The following POLR2F variants were observed in gnomAD, a reference collection of about 807,000 sequenced individuals.
POLR2F encodes the protein DNA-directed RNA polymerases I, II, and III subunit RPABC2.
Under a neutral mutation model 22.7 loss-of-function variants are expected in POLR2F, and 12 were observed. That is an observed-to-expected ratio of 0.53 (90% CI 0.34 to 0.86). The LOEUF is 0.86. Among genes scored for constraint, POLR2F ranks in the 40% least tolerant of loss-of-function variants. POLR2F has a pLI of 0.02. For synonymous variants in POLR2F, 57 were observed against 66.0 expected (o/e 0.86, Z 0.66); for missense variants, 126 against 171.5 (o/e 0.73, Z 1.48).
intron 1 of POLR2F, among the ~76,000 whole-genome samples, chr22:38,018,216 G>A (rs2084930746): frequency 6.6e-6 from 1 of 152,250 alleles, no homozygotes; most frequent in Non-Finnish European, 1.5e-5. Context: ...TCAGTCTGAA[G>A]TCAAGATCAG....
intron 1 of POLR2F, among the ~76,000 whole-genome samples, chr22:38,009,952 G>T (rs533406072): frequency 3.3e-5 from 5 of 152,170 alleles, no homozygotes; most frequent in Admixed American, 6.5e-5. Context: ...TTCCAGATTT[G>T]GGCTATTACA....
chr22:38,035,764 G>T (rs566600244), intron 5 of POLR2F, among the ~76,000 whole-genome samples: 2 of 152,202 alleles, frequency 1.3e-5, no homozygotes, highest in South Asian at 4.1e-4. Context: ...CCTGGCGGGA[G>T]CGGGTGGGAG....
At chr22:38,026,962 T>TGTGG (rs1470191267), downstream of POLR2F, among the ~76,000 whole-genome samples, 6 of 151,796 alleles carry the variant, frequency 4.0e-5, no homozygotes, top group African/African-American at 1.5e-4. Context: ...GGAAAGTGTG[T>TGTGG]GTGGGTGGGT....
upstream of POLR2F, chr22:37,983,608 C>T: frequency 6.2e-7 from 1 of 1,607,524 alleles, no homozygotes; most frequent in Non-Finnish European, 8.5e-7. The surrounding 1 kb of genome is among the most constrained non-coding windows in gnomAD (Gnocchi z 9.5). Flanking sequence ...CCTCGCCGTC[C>T]TGCTGCTCCT....
Position 37,953,744 on chromosome 22 carries a change from C to T in POLR2F, c.-44C>T. On this transcript the variant is annotated 5_prime_UTR_variant, in exon 1 of 5. Coordinates refer to ENST00000442738, the MANE Select transcript of POLR2F (RefSeq NM_021974.5). ...CGTAGTGTCGCTGTTTGCGGGTCTCCGCGCGGGACCGGGGCGCAGCGGGGT... is the reference window on the plus strand; with the variant it reads ...CGTAGTGTCGCTGTTTGCGGGTCTCTGCGCGGGACCGGGGCGCAGCGGGGT... The T allele has an allele frequency of 3.8e-6, 6 of 1,597,096 alleles. No homozygotes were observed. The highest frequency in any genetic ancestry group is 5.1e-6 in the Non-Finnish European group (6 of 1,175,358).
intron 1 of POLR2F, among the ~76,000 whole-genome samples, chr22:38,003,629 T>C (rs933344283): frequency 3.6e-4 from 54 of 151,496 alleles, no homozygotes; most frequent in African/African-American, 1.3e-3. Flanking sequence ...ACCACTGGAG[T>C]GCAGTGGTAT....
chr22:38,039,732 A>G (rs1601923114), intron 5 of POLR2F, among the ~76,000 whole-genome samples: 1 of 152,350 alleles, frequency 6.6e-6, no homozygotes, highest in East Asian at 1.9e-4. Flanking sequence ...ACAGACACCC[A>G]GAGAGGAAAC....
At chr22:38,029,301 A>T (rs548515945), downstream of POLR2F, among the ~76,000 whole-genome samples, 86 of 152,320 alleles carry the variant, frequency 5.6e-4, 1 homozygote, top group South Asian at 4.3e-3. Flanking sequence ...GCCCAAGGAT[A>T]GTGGAGGATG....
intron 1 of POLR2F, among the ~76,000 whole-genome samples, chr22:38,020,735 G>C (rs2084954429): frequency 6.6e-6 from 1 of 151,326 alleles, no homozygotes; most frequent in Non-Finnish European, 1.5e-5. Flanking sequence ...GAGTGAGACT[G>C]TCTAAAAAAA....
At chr22:37,969,425 T>A, downstream of POLR2F, 1 of 613,168 alleles carries the variant, frequency 1.6e-6, no homozygotes, top group Non-Finnish European at 2.0e-6. Context: ...TGTGCACACT[T>A]GGAACCTTTG....
downstream of POLR2F, chr22:38,041,209 T>G: frequency 1.3e-6 from 2 of 1,563,938 alleles, no homozygotes; most frequent in Non-Finnish European, 8.8e-7. Context: ...AGGGAAGGGA[T>G]GTGAGGACAC....
At chr22:38,030,690 C>T (rs3026668), downstream of POLR2F, among the ~76,000 whole-genome samples, 2,431 of 152,300 alleles carry the variant, frequency 0.016, 73 homozygotes, top group African/African-American at 0.057. Context: ...TGCTTATGCA[C>T]TGGGTGATTC....
chr22:38,013,344 T>C (rs1026945441), intron 1 of POLR2F, among the ~76,000 whole-genome samples: 6 of 151,968 alleles, frequency 3.9e-5, no homozygotes, highest in African/African-American at 1.4e-4. Flanking sequence ...CGGGGTTTCA[T>C]CATGTTGGCC....
At chr22:37,970,808 C>A, downstream of POLR2F, 1 of 169,238 alleles carries the variant, frequency 5.9e-6, no homozygotes, top group Non-Finnish European at 1.3e-5. Flanking sequence ...TGGGTCAAAC[C>A]CAACAAGGTG....
In POLR2F at chr22:37,986,500, C is replaced by T. The variant is rs904593637; in HGVS notation, c.120+188C>T. The T allele has an allele frequency of 7.4e-7, 1 of 1,342,610 alleles. No individual in the cohort carries two copies. Among genetic ancestry groups the T allele is most frequent in the Non-Finnish European group, 1.0e-6 (1 of 971,088 alleles). 83.2% of individuals were successfully genotyped at this position (1,342,610 alleles called of 1,614,324 possible). A position where few individuals can be genotyped will look rare whatever the true frequency, so the allele number is the denominator to read the frequency against. On this transcript the variant is annotated intron_variant, in intron 1 of 2. Coordinates refer to the POLR2F transcript ENST00000333418. The surrounding 1 kb of genome is among the most constrained non-coding windows in gnomAD (Gnocchi z 4.7). ...CAGCTGCCCCCTCTCTAACTCCCTG[C>T]TTCCTCCTTTGCCCTCCTTGGTCCA... is the stretch of plus-strand genomic sequence containing the variant.
At chr22:37,982,484 G>T (rs573534481), upstream of POLR2F, among the ~76,000 whole-genome samples, 3 of 152,182 alleles carry the variant, frequency 2.0e-5, no homozygotes, top group Admixed American at 1.3e-4. Flanking sequence ...ATTGCTCCCT[G>T]CGGGGGATGT....
At chr22:38,024,096 G>C (rs1378721000) in intron 1 of POLR2F, among the ~76,000 whole-genome samples, 1 of 151,964 alleles carries the variant, frequency 6.6e-6, no homozygotes, top group Non-Finnish European at 1.5e-5. Flanking sequence ...CATCCACCTT[G>C]GCCTCCCAAA....
intron 1 of POLR2F, among the ~76,000 whole-genome samples, chr22:38,011,946 A>C (rs2084874884): frequency 6.6e-6 from 1 of 152,146 alleles, no homozygotes; most frequent in African/African-American, 2.4e-5. Flanking sequence ...TCTTTCAGCA[A>C]CATTTATTTA....
intron 4 of POLR2F, 177 bp from the exon 5 acceptor site, chr22:37,967,448 G>A (rs1931901045): frequency 7.0e-7 from 1 of 1,435,178 alleles, no homozygotes; most frequent in Non-Finnish European, 9.1e-7. Context: ...TCCCCCTCTT[G>A]TCTGATATAA....
Sources: allele counts gnomAD v4.1 joint callset (sites outside exome capture counted in the v4.1 genomes callset), GRCh38; gene constraint gnomAD v4.1.1; non-coding constraint Gnocchi (gnomAD v3.1); transcripts MANE v1.5; gene names NCBI Gene and HGNC (gene_info 2026-07-23, HGNC 2026-07-21).